Variants in FOXN3 observed in about 807,000 individuals in gnomAD.
The protein encoded by FOXN3 is forkhead box protein N3.
Under a neutral mutation model 38.4 loss-of-function variants are expected in FOXN3, and 7 were observed. That is an observed-to-expected ratio of 0.18 (90% CI 0.10 to 0.34). FOXN3 has a LOEUF of 0.34. FOXN3 is among the 10% of genes least tolerant of loss of function. The pLI is 1.00. For synonymous variants in FOXN3, 230 were observed against 242.2 expected (o/e 0.95, Z 0.47); for missense variants, 456 against 613.4 (o/e 0.74, Z 2.71).
chr14:89,158,081 G>A lies in FOXN3; in HGVS notation c.*4333C>T, dbSNP rs1887019362. ...ATTTAATCCAATCTCATCTAGAAAA[G>A]CTTCCCATTTAGGTCACTTGTACGT... On this transcript the variant is annotated 3_prime_UTR_variant, in exon 6 of 6. Coordinates refer to ENST00000557258, the MANE Select transcript of FOXN3 (RefSeq NM_005197.4). The A allele has an allele frequency of 2.0e-5, 3 of 152,250 alleles. No homozygotes were observed. The highest frequency in any genetic ancestry group is 6.5e-5 in the Admixed American group (1 of 15,282). The allele number at this position is 152,250 out of a possible 1,614,324, so 9.4% of individuals were successfully genotyped here.
chr14:89,586,369 C>G (rs1056731027), intron 1 of FOXN3, among the ~76,000 whole-genome samples: 1 of 152,136 alleles, frequency 6.6e-6, no homozygotes, highest in South Asian at 2.1e-4. Flanking sequence ...TACAAAAGCA[C>G]TTCTCACAGT....
At chr14:89,304,944 TAAA>T (rs200830937) in intron 3 of FOXN3, among the ~76,000 whole-genome samples, 2 of 133,598 alleles carry the variant, frequency 1.5e-5, no homozygotes, top group African/African-American at 5.6e-5. Flanking sequence ...TGTAGTTTCT[TAAA>T]AAAAAAAAAA....
chr14:89,412,399 G>GT lies in FOXN3; in HGVS notation c.77dup (p.Tyr26Ter), dbSNP rs1566646090. 4 of 1,614,128 alleles carry GT rather than the reference G, an allele frequency of 2.5e-6. No individual in the cohort carries two copies. Among genetic ancestry groups the GT allele is most frequent in the Admixed American group, 1.7e-5 (1 of 60,006 alleles). The change falls in exon 2 of 6, where the codon TAC (tyrosine) becomes TAAC (stop). Residue 26 changes from tyrosine (Y) to a stop codon, truncating the protein, a stop_gained and frameshift_variant. Coordinates refer to ENST00000557258, the MANE Select transcript of FOXN3 (RefSeq NM_005197.4). LOFTEE classifies it high-confidence loss of function. The surrounding 1 kb of genome is among the most constrained non-coding windows in gnomAD (Gnocchi z 4.7). The part of the protein sequence containing the change: ...ISVSSGLSQC[Y>*]GGSGFSKALQ... ...GGGCCTTGGAGAAACCGCTGCCCCCGTAACACTGACTCAGTCCACTGGAGA... is the reference window on the plus strand; with the variant it reads ...GGGCCTTGGAGAAACCGCTGCCCCCGTTAACACTGACTCAGTCCACTGGAGA...
intron 2 of FOXN3, among the ~76,000 whole-genome samples, chr14:89,371,645 A>C (rs1314589848): frequency 1.3e-5 from 2 of 152,010 alleles, no homozygotes; most frequent in Non-Finnish European, 2.9e-5. Flanking sequence ...TCCTAGCCCC[A>C]GGAGACTGAC....
intron 1 of FOXN3, among the ~76,000 whole-genome samples, chr14:89,502,893 T>C (rs1230904212): frequency 2.6e-5 from 4 of 152,156 alleles, no homozygotes; most frequent in Admixed American, 6.6e-5. Context: ...ACAGAGGTCA[T>C]GCAAGATACA....
intron 4 of FOXN3, among the ~76,000 whole-genome samples, chr14:89,202,654 T>C (rs1159777474): frequency 5.9e-5 from 9 of 152,152 alleles, no homozygotes; most frequent in Non-Finnish European, 8.8e-5. Context: ...TCTTGCTCTA[T>C]GTGTTCCCGT....
At chr14:89,536,859 T>A (rs576072017) in intron 1 of FOXN3, among the ~76,000 whole-genome samples, 1 of 152,110 alleles carries the variant, frequency 6.6e-6, no homozygotes, top group African/African-American at 2.4e-5. Flanking sequence ...CCAAAAACAA[T>A]GGTTGTGCTG....
chr14:89,305,882 T>C (rs1219235348), intron 3 of FOXN3, among the ~76,000 whole-genome samples: 3 of 152,220 alleles, frequency 2.0e-5, no homozygotes, highest in Non-Finnish European at 4.4e-5. Context: ...TTTCCCTCAA[T>C]AGGATACTAA....
At chr14:89,495,105 C>A (rs192221292) in intron 1 of FOXN3, among the ~76,000 whole-genome samples, 3 of 152,224 alleles carry the variant, frequency 2.0e-5, no homozygotes, top group East Asian at 3.9e-4. Flanking sequence ...TCACGGTAGA[C>A]AAAAGTAAGC....
At chr14:89,375,462 C>T (rs909457710) in intron 2 of FOXN3, among the ~76,000 whole-genome samples, 3 of 152,146 alleles carry the variant, frequency 2.0e-5, no homozygotes. Flanking sequence ...AGTAGATGTA[C>T]ATCCATATAC....
chr14:89,542,030 G>T (rs530168907), intron 1 of FOXN3, among the ~76,000 whole-genome samples: 2 of 152,044 alleles, frequency 1.3e-5, no homozygotes, highest in African/African-American at 2.4e-5. Context: ...GGGCGAGTCC[G>T]AAGTGCAAAG....
chr14:89,364,384 T>C (rs1398922242), intron 2 of FOXN3: 1 of 151,820 alleles, frequency 6.6e-6, no homozygotes, highest in African/African-American at 2.4e-5. Context: ...TTGTTTTTGT[T>C]TTTTTTCAGA....
At chr14:89,247,927 G>A (rs1412004801) in intron 4 of FOXN3, among the ~76,000 whole-genome samples, 2 of 152,142 alleles carry the variant, frequency 1.3e-5, no homozygotes, top group Non-Finnish European at 2.9e-5. Context: ...TCAACAAGCC[G>A]TGTTTGTTCC....
intron 1 of FOXN3, among the ~76,000 whole-genome samples, chr14:89,515,638 A>C (rs994812789): frequency 4.6e-5 from 7 of 152,172 alleles, no homozygotes; most frequent in African/African-American, 1.7e-4. Flanking sequence ...CAGGAGGCTG[A>C]GGCAGGAGAA....
At chr14:89,392,196 T>G (rs747637039) in intron 2 of FOXN3, among the ~76,000 whole-genome samples, 3 of 152,162 alleles carry the variant, frequency 2.0e-5, no homozygotes, top group Non-Finnish European at 4.4e-5. Context: ...TGGATCCAAA[T>G]CTATCACCAG....
intron 1 of FOXN3, among the ~76,000 whole-genome samples, chr14:89,457,755 G>A (rs573386132): frequency 1.1e-4 from 16 of 152,268 alleles, no homozygotes; most frequent in Admixed American, 5.9e-4. Context: ...GCTCATGCCT[G>A]TAATCCCAGC....
At chr14:89,451,111 A>C (rs956423083) in intron 1 of FOXN3, among the ~76,000 whole-genome samples, 1 of 152,212 alleles carries the variant, frequency 6.6e-6, no homozygotes. Context: ...CTGCAAGTAG[A>C]AATCTCAAGC....
intron 1 of FOXN3, among the ~76,000 whole-genome samples, chr14:89,485,829 G>T (rs931064353): frequency 2.0e-5 from 3 of 152,116 alleles, no homozygotes; most frequent in Non-Finnish European, 4.4e-5. Context: ...TCACTGCCTG[G>T]GCTCATGGTG....
At chr14:89,566,071 T>A (rs1337314892) in intron 1 of FOXN3, among the ~76,000 whole-genome samples, 1 of 152,234 alleles carries the variant, frequency 6.6e-6, no homozygotes, top group African/African-American at 2.4e-5. Flanking sequence ...TCATCTCACA[T>A]AATTCCTGGC....
Sources: allele counts gnomAD v4.1 joint callset (sites outside exome capture counted in the v4.1 genomes callset), GRCh38; gene constraint gnomAD v4.1.1; non-coding constraint Gnocchi (gnomAD v3.1); transcripts MANE v1.5; gene names NCBI Gene and HGNC (gene_info 2026-07-23, HGNC 2026-07-21).